SPHKAP: variants seen among roughly 807,000 people sequenced by gnomAD.
The protein encoded by SPHKAP is SPHK1 interactor, AKAP domain containing.
SPHKAP carries 67 observed loss-of-function variants against 137.5 expected under a neutral mutation model. The ratio of observed to expected loss-of-function variants is 0.49; its 90% confidence interval spans 0.40 to 0.60. The LOEUF (loss-of-function observed/expected upper bound fraction) is 0.60, where lower values mean the gene tolerates loss of function less well. SPHKAP is among the 20% of genes least tolerant of loss of function. The pLI is 0.00. For missense variants in SPHKAP, 2,097 were observed against 2,069.3 expected, an observed-to-expected ratio of 1.01 and a Z score of -0.26; for synonymous variants, 813 against 785.3, an observed-to-expected ratio of 1.04 and a Z score of -0.59.
At chr2:228,071,023 C>T (rs147645334) in intron 3 of SPHKAP, among the ~76,000 whole-genome samples, 6 of 152,218 alleles carry the variant, frequency 3.9e-5, no homozygotes, top group Admixed American at 2.6e-4. Flanking sequence ...ATTTCAGGGA[C>T]GGAGCATTGA....
rs1233547037 is a variant in SPHKAP, at chr2:228,036,583, C to T, written c.247-9040G>A. Among the ~76,000 whole-genome samples the T allele has an allele frequency of 6.6e-5, 10 of 151,948 alleles. 1 individual carries two copies. The highest frequency in any genetic ancestry group is 6.3e-3 in the Middle Eastern group (2 of 316). On this transcript the variant is annotated intron_variant, in intron 3 of 11. Transcript: ENST00000392056. ...ATGCTGCTATAAAGACACATGCACA[C>T]GTATGTTTATTGCGGCACTATTCAC...
chr2:228,108,970 T>C (rs763351194), intron 2 of SPHKAP, 31 bp from the exon 3 acceptor site: 13 of 1,441,678 alleles, frequency 9.0e-6, no homozygotes, highest in Non-Finnish European at 1.1e-5. Flanking sequence ...TCAGTTCTTA[T>C]TCGGCAATCC....
In SPHKAP at chr2:228,152,943, T is replaced by C. The variant is rs566641523; in HGVS notation, c.33-20858A>G. 2.2e-3 allele frequency among the ~76,000 whole-genome samples: 340 copies of C among 152,236 alleles called. 1 individual carries two copies. The highest frequency in any genetic ancestry group is 4.2e-3 in the Non-Finnish European group (286 of 68,012). On this transcript the variant is annotated intron_variant, in intron 1 of 11. Transcript: ENST00000392056. ...CAGGGGGGACCCAGTGGAAGATAATTGAATCATGGAGGGAGTTTCCCCTAT... is the reference window on the plus strand; with the variant it reads ...CAGGGGGGACCCAGTGGAAGATAATCGAATCATGGAGGGAGTTTCCCCTAT...
chr2:228,088,079 C>CAAAAACA, intron 3 of SPHKAP, among the ~76,000 whole-genome samples: 1 of 152,058 alleles, frequency 6.6e-6, no homozygotes, highest in East Asian at 1.9e-4. Flanking sequence ...GGGGATAGAA[C>CAAAAACA]TGAGTTGTAC....
chr2:228,129,375 G>A (rs66672805), intron 2 of SPHKAP, among the ~76,000 whole-genome samples: 52,025 of 152,034 alleles, frequency 0.34, 9,178 homozygotes, highest in East Asian at 0.51. Context: ...GCCTGTTGTT[G>A]TCTCACATAA....
At position 228,019,503 on chromosome 2, in the gene SPHKAP, C is replaced by T. The variant is rs780310139; in HGVS notation, c.1351G>A (p.Val451Ile). 1.2e-5 allele frequency: 20 copies of T among 1,614,126 alleles called. No individual in the cohort carries two copies. The highest frequency in any genetic ancestry group is 8.9e-5 in the East Asian group (4 of 44,856). Residue 451 changes from valine (V) to isoleucine (I), a missense_variant, in exon 7 of 12, where the codon GTC (valine) becomes ATC (isoleucine). Physicochemically the swap from Val to Ile is conservative, Grantham distance 29 (BLOSUM62 3). Coordinates refer to ENST00000392056, the MANE Select transcript of SPHKAP (RefSeq NM_001142644.2). ...CTGCCATCTGGACTCTGAACAACGA[C>T]GATTTTGGGGAGCTCATTCCATGAC... ...SRSWNELPKI[V>I]VVQSPDGSDA...
At chr2:228,045,739 A>G (rs1696020870) in intron 3 of SPHKAP, among the ~76,000 whole-genome samples, 1 of 152,056 alleles carries the variant, frequency 6.6e-6, no homozygotes, top group Non-Finnish European at 1.5e-5. Flanking sequence ...CCTAAAACTT[A>G]AAGTATAATA....
chr2:228,121,247 G>A (rs1471967578), intron 2 of SPHKAP, among the ~76,000 whole-genome samples: 5 of 152,088 alleles, frequency 3.3e-5, no homozygotes, highest in African/African-American at 1.2e-4. Flanking sequence ...CAGTGACTCC[G>A]GCCTGTAATC....
At chr2:228,011,593 C>A (rs573648663) in intron 7 of SPHKAP, among the ~76,000 whole-genome samples, 10 of 152,146 alleles carry the variant, frequency 6.6e-5, no homozygotes, top group Admixed American at 2.0e-4. Context: ...TCATAAATGG[C>A]AGACAGCATT....
rs1261588112 is a variant in SPHKAP at position 228,181,007 on chromosome 2, T to C, written c.32+560A>G. 6.6e-6 allele frequency among the ~76,000 whole-genome samples: 1 copy of C among 151,830 alleles called. No homozygotes were observed. Among genetic ancestry groups the C allele is most frequent in the East Asian group, 2.0e-4 (1 of 5,108 alleles). On this transcript the variant is annotated intron_variant, in intron 1 of 11. Coordinates refer to ENST00000392056, the MANE Select transcript of SPHKAP (RefSeq NM_001142644.2). This position sits in a 1 kb window ranked among gnomAD's most constrained non-coding sequence, Gnocchi z 4.3. ...AGGGGGTGTGGGGACGGTGGAGGAC[T>C]GTGGGACTGCAGGGGACCTAGGTGT...
intron 1 of SPHKAP, among the ~76,000 whole-genome samples, chr2:228,143,664 C>CTTTTTTT (rs35440451): frequency 3.1e-5 from 3 of 97,424 alleles, no homozygotes; most frequent in Non-Finnish European, 6.2e-5. Flanking sequence ...AAACACCTGG[C>CTTTTTTT]TTTTTTTTTT....
chr2:228,090,396 C>T (rs912278661), intron 3 of SPHKAP, among the ~76,000 whole-genome samples: 2 of 152,180 alleles, frequency 1.3e-5, no homozygotes, highest in African/African-American at 4.8e-5. Context: ...TTTGATTTTA[C>T]AGGCTCATAG....
At chr2:228,089,142 G>T (rs563941707) in intron 3 of SPHKAP, among the ~76,000 whole-genome samples, 1 of 152,344 alleles carries the variant, frequency 6.6e-6, no homozygotes, top group African/African-American at 2.4e-5. Flanking sequence ...CCAAAATACT[G>T]ATAGAAATAT....
rs569448196 is a variant in SPHKAP, at chr2:228,103,785, A to G, written c.246+5047T>C. The stretch of plus-strand genomic sequence containing the variant: ...AAACTGTTAAATAAGTATTTAAAGA[A>G]TTAATTCAGTACCCCCTGTACAATG... On this transcript the variant is annotated intron_variant, in intron 3 of 11. Transcript: ENST00000392056. Among the ~76,000 whole-genome samples, 4 of 152,322 alleles carry G rather than the reference A, an allele frequency of 2.6e-5. 1 individual carries two copies. In the South Asian group the frequency reaches 8.3e-4, roughly 32 times the overall value.
At chr2:228,131,929 T>C (rs368213598) in intron 2 of SPHKAP, 51 bp downstream of exon 2, 91 of 1,577,022 alleles carry the variant, frequency 5.8e-5, no homozygotes, top group Admixed American at 6.8e-5. Flanking sequence ...TCGAATTAAA[T>C]GAATATTCAA....
chr2:228,157,560 C>G (rs1700142472), intron 1 of SPHKAP, among the ~76,000 whole-genome samples: 1 of 152,102 alleles, frequency 6.6e-6, no homozygotes, highest in Admixed American at 6.6e-5. Flanking sequence ...CAATAGTACA[C>G]CTGTTATTAC....
intron 1 of SPHKAP, chr2:228,132,508 C>G: frequency 1.2e-6 from 1 of 858,912 alleles, no homozygotes; most frequent in Non-Finnish European, 1.4e-6. Context: ...TAATTTTAAT[C>G]TGGACTCAGA....
chr2:228,007,411 A>G (rs1181222776), intron 7 of SPHKAP, among the ~76,000 whole-genome samples: 3 of 152,114 alleles, frequency 2.0e-5, no homozygotes, highest in Non-Finnish European at 4.4e-5. Flanking sequence ...AGAGCACCAG[A>G]ACATGTTCTG....
chr2:228,173,140 G>C (rs1196486544), intron 1 of SPHKAP: 1 of 828,534 alleles, frequency 1.2e-6, no homozygotes, highest in Non-Finnish European at 1.5e-6. Flanking sequence ...GTATGGCAGA[G>C]GAGGAACAAA....
Sources: gnomAD v4.1 joint callset for allele counts (sites outside exome capture counted in the v4.1 genomes callset) on GRCh38, gnomAD v4.1.1 for gene constraint, Gnocchi (gnomAD v3.1) non-coding constraint, MANE v1.5 for transcripts, NCBI Gene and HGNC (gene_info 2026-07-23, HGNC 2026-07-21) for gene names.